SH3RF1: variants seen among roughly 807,000 people sequenced by gnomAD.
SH3RF1 encodes E3 ubiquitin-protein ligase SH3RF1.
Under a neutral mutation model 74.0 loss-of-function variants are expected in SH3RF1, and 32 were observed. That is an observed-to-expected ratio of 0.43 (90% CI 0.33 to 0.58). The LOEUF is 0.58. Among genes scored for constraint, SH3RF1 ranks in the 20% least tolerant of loss-of-function variants. SH3RF1 has a pLI of 0.05. For synonymous variants in SH3RF1, 396 were observed against 439.6 expected (o/e 0.90, Z 1.24); for missense variants, 954 against 1,130.9 (o/e 0.84, Z 2.24).
At chr4:169,248,198 C>T (rs1561064023) in intron 2 of SH3RF1, among the ~76,000 whole-genome samples, 1 of 152,170 alleles carries the variant, frequency 6.6e-6, no homozygotes, top group Non-Finnish European at 1.5e-5. Flanking sequence ...CGTATGTTTA[C>T]TGCAGCACTA....
rs1299138256 is a variant in SH3RF1, at chr4:169,155,573, A to T, written c.672T>A (p.Asp224Glu). The part of the protein sequence containing the change: ...ADKDCLPFAK[D>E]DVLTVIRRVD... Reference sequence around the variant, plus strand: ...CTCTTCGGATCACAGTCAGAACATCATCCTGAAGAAACAGCAAATCATTAA... The same window carrying T: ...CTCTTCGGATCACAGTCAGAACATCTTCCTGAAGAAACAGCAAATCATTAA... Residue 224 changes from aspartate to glutamate, a missense_variant and splice_region_variant, in exon 4 of 12, where the codon GAT becomes GAA. By Grantham distance (45) the Asp-to-Glu change is conservative (BLOSUM62 2). This residue lies in a region of SH3RF1 where 854 missense variants were observed against 962.5 expected (regional missense o/e 0.89). Coordinates refer to ENST00000284637, the MANE Select transcript of SH3RF1 (RefSeq NM_020870.4). 6.2e-7 allele frequency: 1 copy of T among 1,610,142 alleles called. No homozygotes were observed.
At chr4:169,264,184 G>T (rs1209255153) in intron 2 of SH3RF1, among the ~76,000 whole-genome samples, 1 of 152,166 alleles carries the variant, frequency 6.6e-6, no homozygotes, top group Admixed American at 6.5e-5. Context: ...TCTGGAGGCT[G>T]GAAGTCCAAG....
At chr4:169,121,521 C>T (rs1158198547) in intron 7 of SH3RF1, among the ~76,000 whole-genome samples, 1 of 152,148 alleles carries the variant, frequency 6.6e-6, no homozygotes, top group South Asian at 2.1e-4. Context: ...AGAACAAAGT[C>T]CAGATCACAA....
chr4:169,166,850 C>T (rs959655766), intron 2 of SH3RF1: 1 of 297,754 alleles, frequency 3.4e-6, no homozygotes. Flanking sequence ...TTTGTCATTG[C>T]CACCTCAACC....
intron 2 of SH3RF1, among the ~76,000 whole-genome samples, chr4:169,222,145 T>C (rs1730576094): frequency 6.6e-6 from 1 of 152,236 alleles, no homozygotes; most frequent in Non-Finnish European, 1.5e-5. Context: ...ATCAGCAATG[T>C]GACAATTATA....
chr4:169,201,036 A>G (rs1012594489), intron 2 of SH3RF1, among the ~76,000 whole-genome samples: 7 of 152,176 alleles, frequency 4.6e-5, no homozygotes, highest in African/African-American at 1.7e-4. Flanking sequence ...CCAAATATAA[A>G]GAAATTAAGA....
intron 2 of SH3RF1, among the ~76,000 whole-genome samples, chr4:169,210,205 A>G (rs1166711054): frequency 6.6e-6 from 1 of 151,984 alleles, no homozygotes; most frequent in Non-Finnish European, 1.5e-5. Flanking sequence ...TCTTTCTGCT[A>G]TTTTACCCTT....
intron 2 of SH3RF1, among the ~76,000 whole-genome samples, chr4:169,168,499 T>A (rs1734280288): frequency 6.6e-6 from 1 of 152,200 alleles, no homozygotes; most frequent in African/African-American, 2.4e-5. Flanking sequence ...GATGTATTAG[T>A]ACAGCAGTAT....
In SH3RF1 at chr4:169,116,449, A is replaced by G; in HGVS notation, c.1959T>C (p.Ser653=). The change falls in exon 10 of 12, where the codon AGT becomes AGC. Residue 653 remains serine, a synonymous_variant. Transcript: ENST00000284637. ...HTAAISISRA[S]APLACAAAAP... ...CAGCTGCTGCACAGGCCAGAGGGGC[A>G]CTGGCTCGACTGATACTGATGGCAG... The G allele has an allele frequency of 6.2e-7, 1 of 1,614,076 alleles. No individual in the cohort carries two copies. The highest frequency in any genetic ancestry group is 8.5e-7 in the Non-Finnish European group (1 of 1,179,974).
chr4:169,257,755 G>A (rs929692379), intron 2 of SH3RF1, among the ~76,000 whole-genome samples: 3 of 152,190 alleles, frequency 2.0e-5, no homozygotes, highest in Non-Finnish European at 4.4e-5. Context: ...TAATAATCTG[G>A]CAGAACAGAG....
rs1734938928 is a variant in SH3RF1 at position 169,203,218 on chromosome 4, A to G, written c.394-46539T>C. On this transcript the variant is annotated intron_variant, in intron 2 of 11. Transcript: ENST00000284637. ...TCACAGAGTATCAACTCATAACTCA[A>G]AGCATCTTGCTCTTTGTAGTTGAAA... Among the ~76,000 whole-genome samples the G allele has an allele frequency of 2.6e-5, 4 of 152,198 alleles. No homozygotes were observed. In the South Asian group the frequency reaches 8.3e-4, roughly 31 times the overall value.
At chr4:169,227,651 C>T (rs1730673168) in intron 2 of SH3RF1, among the ~76,000 whole-genome samples, 1 of 152,184 alleles carries the variant, frequency 6.6e-6, no homozygotes, top group Admixed American at 6.5e-5. Context: ...TACTATACTA[C>T]CATACTGATC....
intron 2 of SH3RF1, among the ~76,000 whole-genome samples, chr4:169,265,254 G>T (rs913854681): frequency 2.0e-4 from 30 of 152,234 alleles, no homozygotes; most frequent in African/African-American, 6.3e-4. Context: ...CTAGTGTAGT[G>T]CCCGGCACCT....
chr4:169,263,486 C>A (rs1006565023), intron 2 of SH3RF1, among the ~76,000 whole-genome samples: 5 of 152,186 alleles, frequency 3.3e-5, no homozygotes, highest in African/African-American at 1.2e-4. Flanking sequence ...AGATGGATGT[C>A]AAAGATGTCC....
intron 2 of SH3RF1, among the ~76,000 whole-genome samples, chr4:169,157,834 T>C (rs10013790): frequency 0.32 from 48,290 of 151,718 alleles, 8,003 homozygotes; most frequent in African/African-American, 0.4. Flanking sequence ...CTCTGCCTCC[T>C]GGGTTGAGTG....
chr4:169,153,077 T>C (rs763271047), intron 4 of SH3RF1, among the ~76,000 whole-genome samples: 14 of 152,200 alleles, frequency 9.2e-5, no homozygotes, highest in Non-Finnish European at 1.5e-4. Context: ...GAGAGTTCCT[T>C]GGGCATATCC....
chr4:169,239,147 C>T (rs1730864082), intron 2 of SH3RF1, among the ~76,000 whole-genome samples: 1 of 152,194 alleles, frequency 6.6e-6, no homozygotes, highest in East Asian at 1.9e-4. Context: ...TTATTTACCT[C>T]CTTCCTCAAC....
Position 169,268,927 on chromosome 4 carries a change from C to A in SH3RF1, c.286G>T (p.Ala96Ser). The A allele has an allele frequency of 6.2e-7, 1 of 1,614,108 alleles. No homozygotes were observed. The highest frequency in any genetic ancestry group is 8.5e-7 in the Non-Finnish European group (1 of 1,180,030). Reference sequence around the variant, plus strand: ...ACAGTGCTGCTCTGAGACCTTAATGCATTTGTGCAGTTGGTCCCACTTCCC... The same window carrying A: ...ACAGTGCTGCTCTGAGACCTTAATGAATTTGTGCAGTTGGTCCCACTTCCC... The part of the protein sequence containing the change: ...GGGSGTNCTN[A>S]LRSQSSTVAN... Residue 96 changes from alanine (A) to serine (S), a missense_variant, in exon 2 of 12, where the codon GCA becomes TCA. Physicochemically the swap from Ala to Ser is moderately conservative, Grantham distance 99. This residue lies in a region of SH3RF1 where 854 missense variants were observed against 962.5 expected (regional missense o/e 0.89). Transcript: ENST00000284637.
chr4:169,239,390 T>C (rs1730869528), intron 2 of SH3RF1, among the ~76,000 whole-genome samples: 1 of 151,982 alleles, frequency 6.6e-6, no homozygotes, highest in Admixed American at 6.6e-5. Context: ...GAGAGGTTAA[T>C]GAAGTGAGTT....
Sources: gnomAD v4.1 joint callset for allele counts (sites outside exome capture counted in the v4.1 genomes callset) on GRCh38, gnomAD v4.1.1 for gene constraint, gnomAD v4.1.1 regional missense constraint, MANE v1.5 for transcripts, NCBI Gene and HGNC (gene_info 2026-07-23, HGNC 2026-07-21) for gene names.